The following ARHGAP42 variants were observed in gnomAD, a reference collection of about 807,000 sequenced individuals.
The protein encoded by ARHGAP42 is Rho GTPase activating protein 42.
Under a neutral mutation model 125.0 loss-of-function variants are expected in ARHGAP42, and 63 were observed. The ratio of observed to expected loss-of-function variants is 0.50; its 90% CI spans 0.41 to 0.62. ARHGAP42 has a LOEUF of 0.62. Among genes scored for constraint, ARHGAP42 ranks in the 20% least tolerant of loss-of-function variants. The probability of loss-of-function intolerance (pLI) is 0.00; values close to 1 mark genes in which losing one functional copy is unlikely to be tolerated. For synonymous variants in ARHGAP42, 339 were observed against 351.0 expected (o/e 0.97, Z 0.38); for missense variants, 766 against 1,024.2 (o/e 0.75, Z 3.44).
chr11:100,749,300 C>T (rs573246105), intron 1 of ARHGAP42, among the ~76,000 whole-genome samples: 19 of 151,798 alleles, frequency 1.3e-4, no homozygotes, highest in African/African-American at 4.1e-4. Flanking sequence ...TCTTGCCTTG[C>T]CTGCCCCAGA....
intron 17 of ARHGAP42, among the ~76,000 whole-genome samples, chr11:100,972,068 T>C (rs1858262296): frequency 6.6e-6 from 1 of 152,232 alleles, no homozygotes; most frequent in Non-Finnish European, 1.5e-5. Context: ...TAGTGCTCTC[T>C]ACGGCATAAG....
intron 12 of ARHGAP42, among the ~76,000 whole-genome samples, chr11:100,950,866 C>A (rs1289626274): frequency 2.6e-5 from 4 of 151,960 alleles, no homozygotes; most frequent in Admixed American, 6.6e-5. Flanking sequence ...CTGACATTTA[C>A]TTTTCTTATT....
In ARHGAP42 at chr11:100,989,695, CT is replaced by C. The variant is rs1196171659; in HGVS notation, c.*895del. ...AGAATATTTACCAATGATGGGGAAACTGTAAAACTACAGTATCAAGGCATAC... is the reference window on the plus strand; with the variant it reads ...AGAATATTTACCAATGATGGGGAAACGTAAAACTACAGTATCAAGGCATAC... On this transcript the variant is annotated 3_prime_UTR_variant, in exon 24 of 24. Coordinates refer to ENST00000298815, the MANE Select transcript of ARHGAP42 (RefSeq NM_152432.4). The C allele has an allele frequency of 3.9e-5, 6 of 152,144 alleles. No individual in the cohort carries two copies. Among genetic ancestry groups the C allele is most frequent in the Non-Finnish European group, 7.3e-5 (5 of 68,034 alleles). The allele number at this position is 152,144 out of a possible 1,614,324, so 9.4% of individuals were successfully genotyped here.
intron 3 of ARHGAP42, among the ~76,000 whole-genome samples, chr11:100,857,014 T>C (rs1289196240): frequency 6.6e-6 from 1 of 152,038 alleles, no homozygotes; most frequent in Non-Finnish European, 1.5e-5. Context: ...TTTTATATGT[T>C]TGACTTCATT....
intron 4 of ARHGAP42, among the ~76,000 whole-genome samples, chr11:100,891,766 G>A (rs1217265): frequency 0.44 from 67,193 of 151,984 alleles, 16,345 homozygotes; most frequent in African/African-American, 0.62. Context: ...ATTGAAGGGT[G>A]CAATAGAGAC....
intron 4 of ARHGAP42, among the ~76,000 whole-genome samples, chr11:100,877,353 T>C (rs971660774): frequency 6.6e-5 from 10 of 152,216 alleles, no homozygotes; most frequent in Admixed American, 1.3e-4. Context: ...AATTTATGCC[T>C]TGAAATACAA....
intron 2 of ARHGAP42, among the ~76,000 whole-genome samples, chr11:100,776,981 C>CAAAAAA (rs71053146): frequency 9.2e-6 from 1 of 108,896 alleles, no homozygotes; most frequent in Non-Finnish European, 1.9e-5. Context: ...AACACTGTCT[C>CAAAAAA]AAAAAAAAAA....
chr11:100,698,588 G>T (rs1861332526), intron 1 of ARHGAP42, among the ~76,000 whole-genome samples: 1 of 152,178 alleles, frequency 6.6e-6, no homozygotes, highest in African/African-American at 2.4e-5. Flanking sequence ...GGCTGAGACG[G>T]GAGAATCACT....
chr11:100,953,403 A>G (rs964769578), intron 12 of ARHGAP42, among the ~76,000 whole-genome samples: 2 of 152,210 alleles, frequency 1.3e-5, no homozygotes, highest in Non-Finnish European at 1.5e-5. Context: ...GGTAAAATAT[A>G]TAACTTAGGT....
chr11:100,950,631 T>A (rs1857627609), intron 12 of ARHGAP42, among the ~76,000 whole-genome samples: 1 of 151,992 alleles, frequency 6.6e-6, no homozygotes, highest in Non-Finnish European at 1.5e-5. Flanking sequence ...ATGTTCTGAA[T>A]CCTCTTTAAT....
intron 12 of ARHGAP42, among the ~76,000 whole-genome samples, chr11:100,951,397 A>G (rs2135285522): frequency 6.6e-6 from 1 of 152,254 alleles, no homozygotes; most frequent in South Asian, 2.1e-4. Context: ...CTGAATGTTC[A>G]TTCTAAATAA....
chr11:100,898,116 T>A (rs888007810), intron 4 of ARHGAP42, among the ~76,000 whole-genome samples: 1 of 152,184 alleles, frequency 6.6e-6, no homozygotes, highest in African/African-American at 2.4e-5. Flanking sequence ...TTTTTGTGTT[T>A]GGTTCTGTTT....
intron 1 of ARHGAP42, among the ~76,000 whole-genome samples, chr11:100,749,159 G>A (rs890614402): frequency 6.6e-6 from 1 of 152,136 alleles, no homozygotes; most frequent in Non-Finnish European, 1.5e-5. Context: ...GGGGAGTTCT[G>A]AATACTTTTC....
intron 4 of ARHGAP42, among the ~76,000 whole-genome samples, chr11:100,875,107 C>CTCTGTGTG (rs1384655603): frequency 3.9e-4 from 32 of 82,342 alleles, no homozygotes; most frequent in South Asian, 1.0e-3. Context: ...CTCTCTCTCT[C>CTCTGTGTG]TGTGTGTGTG....
intron 3 of ARHGAP42, among the ~76,000 whole-genome samples, chr11:100,838,665 C>T (rs114321531): frequency 1.6e-3 from 239 of 151,844 alleles, no homozygotes; most frequent in African/African-American, 5.5e-3. Flanking sequence ...GATACTTTGG[C>T]CTGGGTAACA....
intron 10 of ARHGAP42, 43 bp downstream of exon 10, chr11:100,943,911 C>G (rs189129829): frequency 5.9e-5 from 75 of 1,269,152 alleles, no homozygotes; most frequent in Non-Finnish European, 7.8e-5. Flanking sequence ...ATAAGCTAAA[C>G]GGTGTCTCTT....
chr11:100,829,118 C>T (rs1473349616), intron 3 of ARHGAP42, among the ~76,000 whole-genome samples: 1 of 152,116 alleles, frequency 6.6e-6, no homozygotes, highest in Non-Finnish European at 1.5e-5. Flanking sequence ...GGCCCTTATC[C>T]TCATGCTTGT....
intron 17 of ARHGAP42, among the ~76,000 whole-genome samples, chr11:100,968,095 T>C (rs1235693572): frequency 6.6e-6 from 1 of 152,188 alleles, no homozygotes; most frequent in Non-Finnish European, 1.5e-5. Context: ...CTATTTTGTA[T>C]GATATTGGTA....
chr11:100,888,125 A>C (rs1274305052), intron 4 of ARHGAP42, among the ~76,000 whole-genome samples: 1 of 152,210 alleles, frequency 6.6e-6, no homozygotes, highest in Non-Finnish European at 1.5e-5. Context: ...ACATACAGGC[A>C]GATATGTAAG....
Sources: allele counts gnomAD v4.1 joint callset (sites outside exome capture counted in the v4.1 genomes callset), GRCh38; gene constraint gnomAD v4.1.1; transcripts MANE v1.5; gene names NCBI Gene and HGNC (gene_info 2026-07-23, HGNC 2026-07-21).